The following KIF13B variants were observed in gnomAD, a reference collection of about 807,000 sequenced individuals.
The protein encoded by KIF13B is kinesin-like protein KIF13B.
In KIF13B, 127 loss-of-function variants were observed where a neutral mutation model predicts 222.0. The ratio of observed to expected loss-of-function variants is 0.57; its 90% CI spans 0.50 to 0.66. KIF13B has a LOEUF of 0.66. KIF13B is among the 30% of genes least tolerant of loss of function. The probability of loss-of-function intolerance (pLI) is 0.00; values close to 1 mark genes in which losing one functional copy is unlikely to be tolerated. For missense variants in KIF13B, 2,173 were observed against 2,379.0 expected (o/e 0.91, Z 1.80); for synonymous variants, 976 against 919.0 (o/e 1.06, Z -1.12).
At chr8:29,098,463 C>T (rs546181094) in intron 36 of KIF13B, among the ~76,000 whole-genome samples, 13 of 151,162 alleles carry the variant, frequency 8.6e-5, no homozygotes, top group Admixed American at 5.9e-4. Context: ...ATTAGCCAGG[C>T]GTGGTGGTGG....
intron 2 of KIF13B, among the ~76,000 whole-genome samples, chr8:29,241,512 G>T (rs1244774362): frequency 6.6e-6 from 1 of 152,208 alleles, no homozygotes; most frequent in African/African-American, 2.4e-5. Flanking sequence ...GGATTCCCCA[G>T]AGCTTTTCAG....
intron 35 of KIF13B, among the ~76,000 whole-genome samples, chr8:29,107,812 G>A (rs1163053679): frequency 2.6e-5 from 4 of 151,976 alleles, no homozygotes; most frequent in Non-Finnish European, 5.9e-5. Context: ...CGCCCTCCTT[G>A]GCCTCCCAAA....
intron 1 of KIF13B, among the ~76,000 whole-genome samples, chr8:29,252,171 A>G (rs1268089361): frequency 2.6e-5 from 4 of 152,266 alleles, no homozygotes. Flanking sequence ...CAAATTCCCC[A>G]CAATGAATAT....
chr8:29,169,569 G>T (rs1812147898), intron 10 of KIF13B, among the ~76,000 whole-genome samples: 1 of 152,182 alleles, frequency 6.6e-6, no homozygotes, highest in Admixed American at 6.5e-5. Context: ...ACCAGTGAAA[G>T]TTTGGTTTTC....
At chr8:29,249,892 T>C (rs1018847780) in intron 1 of KIF13B, 1 of 491,160 alleles carries the variant, frequency 2.0e-6, no homozygotes, top group Non-Finnish European at 3.6e-6. Context: ...CTATTTCTGA[T>C]GTTTTGTCTT....
chr8:29,194,480 T>C (rs536451210), intron 3 of KIF13B, among the ~76,000 whole-genome samples: 105 of 152,256 alleles, frequency 6.9e-4, no homozygotes, highest in Non-Finnish European at 1.2e-3. Context: ...GTTGGGGTGC[T>C]AGGATTCCAG....
chr8:29,072,342 C>T (rs776108309), intron 38 of KIF13B, 26 bp from the exon 39 acceptor site: 1 of 1,373,366 alleles, frequency 7.3e-7, no homozygotes, highest in Non-Finnish European at 9.5e-7. Flanking sequence ...GAAGCAGGGG[C>T]TGAGAACAGA....
chr8:29,070,511 G>A lies in KIF13B; in HGVS notation c.5474C>T (p.Ala1825Val), dbSNP rs768805349. Residue 1825 changes from alanine (A) to valine (V), a missense_variant, in exon 40 of 40, where the codon GCC becomes GTC. Coordinates refer to ENST00000524189, the MANE Select transcript of KIF13B (RefSeq NM_015254.4). The surrounding 1 kb of genome is among the most constrained non-coding windows in gnomAD (Gnocchi z 4.1). ...HKNPENRKSW[A>V]S ...TCGCCCTAAGGCAGCGGCTCAGCTG[G>A]CCCAGGATTTCCGGTTCTCAGGGTT... 1.2e-6 allele frequency: 2 copies of A among 1,610,434 alleles called. No individual in the cohort carries two copies. The highest frequency in any genetic ancestry group is 2.2e-5 in the South Asian group (2 of 90,546).
intron 2 of KIF13B, among the ~76,000 whole-genome samples, chr8:29,223,010 T>A (rs946453020): frequency 6.6e-6 from 1 of 152,090 alleles, no homozygotes; most frequent in Admixed American, 6.5e-5. Flanking sequence ...AAAATTGATT[T>A]TATATATATA....
chr8:29,150,992 G>C (rs77240214), intron 14 of KIF13B, among the ~76,000 whole-genome samples: 1 of 152,194 alleles, frequency 6.6e-6, no homozygotes, highest in Non-Finnish European at 1.5e-5. Flanking sequence ...AACCAAGACA[G>C]GACGAAAAGC....
At chr8:29,125,938 C>A (rs370281110) in intron 26 of KIF13B, among the ~76,000 whole-genome samples, 1 of 152,042 alleles carries the variant, frequency 6.6e-6, no homozygotes, top group Non-Finnish European at 1.5e-5. Flanking sequence ...GAAACCCCGT[C>A]TCTAGTAAAG....
chr8:29,133,452 A>T (rs1462150821), intron 22 of KIF13B, among the ~76,000 whole-genome samples: 1 of 152,138 alleles, frequency 6.6e-6, no homozygotes, highest in Non-Finnish European at 1.5e-5. Flanking sequence ...TTAGCTGCGC[A>T]TGGTGGCAAG....
At chr8:29,224,148 C>T (rs191608574) in intron 2 of KIF13B, among the ~76,000 whole-genome samples, 2,835 of 144,808 alleles carry the variant, frequency 0.02, 48 homozygotes, top group Non-Finnish European at 0.024. Context: ...CCCGCCACCA[C>T]GCCCGGCTAA....
At position 29,105,495 on chromosome 8, in the gene KIF13B, C is replaced by T. The variant is rs571076606; in HGVS notation, c.4215+2644G>A. On this transcript the variant is annotated intron_variant, in intron 35 of 39. Transcript: ENST00000524189. ...GTGAAGCCAGTGGGGGGTCCATGCC[C>T]TCTGCCATGCCCTGGCTGGGTTCTA... Among the ~76,000 whole-genome samples the T allele has an allele frequency of 4.6e-5, 7 of 152,260 alleles. No homozygotes were observed. The East Asian group carries it at 1.3e-3, about 29-fold the overall frequency.
intron 29 of KIF13B, among the ~76,000 whole-genome samples, chr8:29,121,833 T>C (rs1586807249): frequency 6.6e-6 from 1 of 150,794 alleles, no homozygotes; most frequent in East Asian, 1.9e-4. Context: ...CAGGGATGAA[T>C]GGCACAAGAA....
intron 22 of KIF13B, among the ~76,000 whole-genome samples, chr8:29,133,729 C>T (rs1563729017): frequency 6.6e-6 from 1 of 152,226 alleles, no homozygotes; most frequent in Non-Finnish European, 1.5e-5. Flanking sequence ...TACCTGTGTT[C>T]ACTTTCTCTA....
At chr8:29,253,976 C>T (rs1816379719) in intron 1 of KIF13B, among the ~76,000 whole-genome samples, 1 of 151,962 alleles carries the variant, frequency 6.6e-6, no homozygotes, top group Non-Finnish European at 1.5e-5. Context: ...CAGTGTGGTA[C>T]TTACATAAGG....
chr8:29,210,289 T>C (rs1210344417), intron 2 of KIF13B, among the ~76,000 whole-genome samples: 1 of 152,196 alleles, frequency 6.6e-6, no homozygotes, highest in African/African-American at 2.4e-5. Flanking sequence ...GAATTCCAGA[T>C]ACCATTCCAG....
chr8:29,131,786 A>T (rs1810355725), intron 23 of KIF13B, among the ~76,000 whole-genome samples: 1 of 152,212 alleles, frequency 6.6e-6, no homozygotes, highest in Non-Finnish European at 1.5e-5. Flanking sequence ...TCAGCTACAA[A>T]TTGAACTTTC....
Sources: allele counts gnomAD v4.1 joint callset (sites outside exome capture counted in the v4.1 genomes callset), GRCh38; gene constraint gnomAD v4.1.1; non-coding constraint Gnocchi (gnomAD v3.1); transcripts MANE v1.5; gene names NCBI Gene and HGNC (gene_info 2026-07-23, HGNC 2026-07-21).